Variants in ZNF536 observed in about 807,000 individuals in gnomAD.
ZNF536 encodes zinc finger protein 536.
A neutral mutation model predicts 84.5 loss-of-function variants in ZNF536; 13 were observed. The ratio of observed to expected loss-of-function variants is 0.15; its 90% CI spans 0.10 to 0.24. The LOEUF is 0.24. Among genes scored for constraint, ZNF536 ranks in the 10% least tolerant of loss-of-function variants. ZNF536 has a pLI of 1.00. For synonymous variants in ZNF536, 811 were observed against 742.5 expected, an observed-to-expected ratio of 1.09 and a Z score of -1.50; for missense variants, 1,536 against 1,747.5, an observed-to-expected ratio of 0.88 and a Z score of 2.16.
intron 4 of ZNF536, chr19:30,555,280 A>T (rs2045924918): frequency 6.6e-6 from 1 of 152,220 alleles, no homozygotes; most frequent in African/African-American, 2.4e-5. Flanking sequence ...TTGAGTTTGC[A>T]TGACGTCGTG....
upstream of ZNF536, among the ~76,000 whole-genome samples, chr19:30,368,083 C>T (rs2048495331): frequency 6.6e-6 from 1 of 152,182 alleles, no homozygotes; most frequent in Non-Finnish European, 1.5e-5. Context: ...CTGTCCCTCC[C>T]TCCTACTCCT....
chr19:30,333,060 G>A (rs1017095466), intron 2 of ZNF536, among the ~76,000 whole-genome samples: 1 of 151,878 alleles, frequency 6.6e-6, no homozygotes, highest in African/African-American at 2.4e-5. Context: ...AGAAATCCTA[G>A]GGCAGCGTCC....
intron 1 of ZNF536, among the ~76,000 whole-genome samples, chr19:30,393,915 G>A (rs773459679): frequency 9.9e-5 from 15 of 152,214 alleles, no homozygotes; most frequent in Non-Finnish European, 1.9e-4. Flanking sequence ...GTGTTTGGTG[G>A]TGTTGGACAG....
chr19:30,407,012 G>A (rs1362312518), intron 1 of ZNF536, among the ~76,000 whole-genome samples: 3 of 152,074 alleles, frequency 2.0e-5, no homozygotes. Context: ...CTTTAATGAG[G>A]GGGGATTTTG....
intron 1 of ZNF536, among the ~76,000 whole-genome samples, chr19:30,412,407 A>C (rs2050530736): frequency 8.5e-6 from 1 of 117,544 alleles, no homozygotes; most frequent in Non-Finnish European, 2.2e-5. Flanking sequence ...TGATCTTGGG[A>C]TGTTGTTGAT....
chr19:30,702,222 T>C (rs550900937), intron 1 of ZNF536, among the ~76,000 whole-genome samples: 1 of 152,358 alleles, frequency 6.6e-6, no homozygotes, highest in African/African-American at 2.4e-5. Context: ...TTCCCCACTT[T>C]CGTTATAAAC....
chr19:30,235,967 G>A (rs2023463717), intron 1 of ZNF536, among the ~76,000 whole-genome samples: 1 of 152,240 alleles, frequency 6.6e-6, no homozygotes, highest in Non-Finnish European at 1.5e-5. Flanking sequence ...TAAACTCAGT[G>A]CATGGATTCC....
In ZNF536 at chr19:30,632,651, A is replaced by AAACC. The variant is rs34446654; in HGVS notation, c.170-78068_170-78065dup. The stretch of plus-strand genomic sequence containing the variant: ...CCAACCAACCAACCAATCAACCAAC[A>AAACC]AACCAACCAACCAACCAACCAACCA... On this transcript the variant is annotated intron_variant, in intron 1 of 1. Transcript: ENST00000592773. 3.8e-3 allele frequency among the ~76,000 whole-genome samples: 571 copies of AAACC among 149,712 alleles called. 7 individuals are homozygous for AAACC. The highest frequency in any genetic ancestry group is 0.014 in the African/African-American group (548 of 40,550).
chr19:30,335,476 G>T (rs773853190), intron 2 of ZNF536, among the ~76,000 whole-genome samples: 1 of 152,040 alleles, frequency 6.6e-6, no homozygotes, highest in Non-Finnish European at 1.5e-5. Context: ...GGCCTGGCAC[G>T]CCCACCCCTC....
At chr19:30,492,373 G>C (rs1042895162) in intron 2 of ZNF536, among the ~76,000 whole-genome samples, 1 of 152,138 alleles carries the variant, frequency 6.6e-6, no homozygotes, top group African/African-American at 2.4e-5. Flanking sequence ...ATCTCGTACA[G>C]TCAGAGGTCA....
chr19:30,359,285 G>C (rs1001420525), intron 3 of ZNF536, among the ~76,000 whole-genome samples: 2 of 152,224 alleles, frequency 1.3e-5, no homozygotes, highest in Non-Finnish European at 2.9e-5. Context: ...TGCATGGTGT[G>C]GGGAGGGCTC....
chr19:30,552,671 G>A (rs1012341457), intron 4 of ZNF536, among the ~76,000 whole-genome samples: 1 of 152,144 alleles, frequency 6.6e-6, no homozygotes, highest in Non-Finnish European at 1.5e-5. Context: ...TGGTGCCATA[G>A]AGCCAGGGTC....
chr19:30,538,988 G>A (rs1210164452), intron 3 of ZNF536, among the ~76,000 whole-genome samples: 2 of 151,882 alleles, frequency 1.3e-5, no homozygotes, highest in Admixed American at 6.6e-5. Context: ...CGGGAGGATT[G>A]TTTGAGCCCA....
intron 2 of ZNF536, among the ~76,000 whole-genome samples, chr19:30,508,068 T>A (rs1296731636): frequency 6.6e-6 from 1 of 152,182 alleles, no homozygotes; most frequent in South Asian, 2.1e-4. Flanking sequence ...TCGTTTTCCA[T>A]GGAACAGGGC....
In ZNF536 at chr19:30,508,549, T is replaced by C. The variant is rs138622084; in HGVS notation, c.2171-26298T>C. Among the ~76,000 whole-genome samples, 775 of 152,210 alleles carry C rather than the reference T, an allele frequency of 5.1e-3. 5 individuals are homozygous for C. Among genetic ancestry groups the C allele is most frequent in the African/African-American group, 0.018 (729 of 41,554 alleles). On this transcript the variant is annotated intron_variant, in intron 2 of 4. Transcript: ENST00000355537. ...ATCCGGGCCATGAGACTGTGAGTCT[T>C]TGCGGCCCACAGAGAAGGCTGGAAG...
intron 2 of ZNF536, among the ~76,000 whole-genome samples, chr19:30,330,504 T>C (rs948703427): frequency 2.6e-5 from 4 of 152,316 alleles, no homozygotes; most frequent in Admixed American, 1.3e-4. Context: ...GGAGGCCTCG[T>C]TACAAGCCTT....
At chr19:30,569,475 T>C (rs1184222671) in intron 1 of ZNF536, among the ~76,000 whole-genome samples, 2 of 150,510 alleles carry the variant, frequency 1.3e-5, no homozygotes, top group Non-Finnish European at 2.9e-5. Flanking sequence ...TGATGGGACC[T>C]ACCTTGCCAC....
At chr19:30,675,065 TCA>T (rs2050702579) in intron 1 of ZNF536, among the ~76,000 whole-genome samples, 1 of 152,168 alleles carries the variant, frequency 6.6e-6, no homozygotes. Flanking sequence ...TCCACGAGGC[TCA>T]GTTTCTCTCT....
At chr19:30,515,179 T>A in intron 2 of ZNF536, among the ~76,000 whole-genome samples, 1 of 152,152 alleles carries the variant, frequency 6.6e-6, no homozygotes, top group Non-Finnish European at 1.5e-5. Flanking sequence ...GGAGGATCAC[T>A]TGAGCCCAGG....
Sources: allele counts gnomAD v4.1 joint callset (sites outside exome capture counted in the v4.1 genomes callset), GRCh38; gene constraint gnomAD v4.1.1; transcripts MANE v1.5; gene names NCBI Gene and HGNC (gene_info 2026-07-23, HGNC 2026-07-21).